BICC1: variants seen among roughly 807,000 people sequenced by gnomAD.
The protein encoded by BICC1 is BicC family RNA binding protein 1.
Under a neutral mutation model 111.0 loss-of-function variants are expected in BICC1, and 43 were observed. The ratio of observed to expected loss-of-function variants is 0.39; its 90% CI spans 0.30 to 0.50. BICC1 has a LOEUF of 0.50. Ranked by LOEUF, BICC1 falls within the 20% of genes least tolerant of loss-of-function variation. The probability of loss-of-function intolerance (pLI) is 0.88; values close to 1 mark genes in which losing one functional copy is unlikely to be tolerated. For synonymous variants in BICC1, 467 were observed against 434.4 expected, an observed-to-expected ratio of 1.07 and a Z score of -0.93; for missense variants, 1,091 against 1,203.2, an observed-to-expected ratio of 0.91 and a Z score of 1.38.
At chr10:58,672,271 A>G (rs941816352) in intron 2 of BICC1, among the ~76,000 whole-genome samples, 2 of 152,074 alleles carry the variant, frequency 1.3e-5, no homozygotes, top group African/African-American at 4.8e-5. Context: ...GTCCCTAGCA[A>G]CCACCATTCT....
intron 1 of BICC1, among the ~76,000 whole-genome samples, chr10:58,580,122 T>TCAAGTGATTCTCCTGCCTC (rs1223630307): frequency 6.6e-6 from 1 of 152,076 alleles, no homozygotes; most frequent in African/African-American, 2.4e-5. Flanking sequence ...CCTCCTGGCT[T>TCAAGTGATTCTCCTGCCTC]CAAGTGATTC....
At chr10:58,556,325 A>G (rs919837221) in intron 1 of BICC1, among the ~76,000 whole-genome samples, 27 of 152,130 alleles carry the variant, frequency 1.8e-4, no homozygotes, top group African/African-American at 4.8e-4. Context: ...TTGGTCTTGC[A>G]TCGAAGCATT....
chr10:58,747,874 T>G (rs1436268150), intron 3 of BICC1, among the ~76,000 whole-genome samples: 2 of 152,136 alleles, frequency 1.3e-5, no homozygotes, highest in African/African-American at 4.8e-5. Context: ...ATAAAAAGTT[T>G]TATTGGAATA....
chr10:58,773,874 C>G (rs148629884), intron 3 of BICC1, among the ~76,000 whole-genome samples: 3 of 152,158 alleles, frequency 2.0e-5, no homozygotes, highest in African/African-American at 7.2e-5. Context: ...GAGAATAATA[C>G]CCAAATATTG....
At chr10:58,619,898 A>C (rs1845745262) in intron 1 of BICC1, among the ~76,000 whole-genome samples, 1 of 152,182 alleles carries the variant, frequency 6.6e-6, no homozygotes, top group African/African-American at 2.4e-5. Flanking sequence ...TTCTGCACAC[A>C]AACATGGCTG....
In BICC1 at chr10:58,798,850, G is replaced by T. The variant is rs1258568806; in HGVS notation, c.1529-206G>T. On this transcript the variant is annotated intron_variant, in intron 11 of 20. Coordinates refer to ENST00000373886, the MANE Select transcript of BICC1 (RefSeq NM_001080512.3). ...TCATTTACATCTGTACAATGAGAGG[G>T]TTGGATTAAATATTCTCTATGATAT... 2.0e-5 allele frequency among the ~76,000 whole-genome samples: 3 copies of T among 152,098 alleles called. No individual in the cohort carries two copies. In the East Asian group the frequency reaches 5.8e-4, roughly 29 times the overall value.
At chr10:58,690,271 CATG>C (rs1438314066) in intron 2 of BICC1, among the ~76,000 whole-genome samples, 1 of 151,342 alleles carries the variant, frequency 6.6e-6, no homozygotes, top group Non-Finnish European at 1.5e-5. Context: ...GCATGTGTCT[CATG>C]ATGGACAATG....
rs539591379 is a variant in BICC1 at position 58,696,312 on chromosome 10, A to G, written c.238-5762A>G. On this transcript the variant is annotated intron_variant, in intron 2 of 20. Coordinates refer to ENST00000373886, the MANE Select transcript of BICC1 (RefSeq NM_001080512.3). Reference sequence around the variant, plus strand: ...TATCTTCATCAGATTTTTCATGATGAAAAAAAAACTTTTGCAGATGAAATA... The same window carrying G: ...TATCTTCATCAGATTTTTCATGATGGAAAAAAAACTTTTGCAGATGAAATA... Among the ~76,000 whole-genome samples the G allele has an allele frequency of 2.0e-4, 30 of 151,516 alleles. No individual in the cohort carries two copies. In the South Asian group the frequency reaches 5.9e-3, roughly 30 times the overall value.
intron 2 of BICC1, among the ~76,000 whole-genome samples, chr10:58,693,744 G>A (rs990172368): frequency 3.3e-5 from 5 of 152,140 alleles, no homozygotes; most frequent in Admixed American, 1.3e-4. Context: ...TGAGTTCACT[G>A]TAGATTCTAG....
At position 58,807,259 on chromosome 10, in the gene BICC1, G is replaced by T; in HGVS notation, c.2376+101G>T. On this transcript the variant is annotated intron_variant, in intron 17 of 20. Coordinates refer to ENST00000373886, the MANE Select transcript of BICC1 (RefSeq NM_001080512.3). ...ATTCTTTATGTACCTAAGGGAAAAT[G>T]ATTAGTGGTGACTTGTTTTTATTTC... is the stretch of plus-strand genomic sequence containing the variant. The T allele has an allele frequency of 3.7e-6, 4 of 1,094,864 alleles. 1 individual carries two copies. The South Asian group carries it at 7.8e-5, about 21-fold the overall frequency. The allele number at this position is 1,094,864 out of a possible 1,614,324, so 67.8% of individuals were successfully genotyped here.
At chr10:58,814,618 TAA>T (rs35500718) in intron 18 of BICC1, among the ~76,000 whole-genome samples, 1,316 of 114,720 alleles carry the variant, frequency 0.011, 18 homozygotes, top group African/African-American at 0.038. Context: ...TCATCTCTAC[TAA>T]AAAAAAAAAA....
intron 1 of BICC1, among the ~76,000 whole-genome samples, chr10:58,555,471 T>C (rs540850264): frequency 1.3e-5 from 2 of 152,096 alleles, no homozygotes; most frequent in South Asian, 4.2e-4. Flanking sequence ...TAGGCAAAAT[T>C]TCTTTTCTGA....
intron 2 of BICC1, among the ~76,000 whole-genome samples, chr10:58,651,621 T>G (rs1041368994): frequency 3.3e-5 from 5 of 152,198 alleles, no homozygotes; most frequent in Admixed American, 3.3e-4. Context: ...ATTCTCTCAG[T>G]TCTTTATTTT....
chr10:58,716,956 A>G (rs1840764482), intron 3 of BICC1, among the ~76,000 whole-genome samples: 1 of 149,216 alleles, frequency 6.7e-6, no homozygotes, highest in Non-Finnish European at 1.5e-5. Flanking sequence ...TGCTGCTTTG[A>G]GTGAACCAGA....
chr10:58,783,725 G>A (rs546661598), intron 3 of BICC1, among the ~76,000 whole-genome samples: 1 of 152,250 alleles, frequency 6.6e-6, no homozygotes, highest in Admixed American at 6.5e-5. Context: ...TTTCTTAGAA[G>A]TCAGTACATT....
chr10:58,807,264 G>A (rs1843738267), intron 17 of BICC1, 106 bp downstream of exon 17: 3 of 1,038,402 alleles, frequency 2.9e-6, no homozygotes, highest in Non-Finnish European at 2.7e-6. Flanking sequence ...AAAATGATTA[G>A]TGGTGACTTG....
intron 15 of BICC1, 141 bp downstream of exon 15, chr10:58,803,383 G>A: frequency 3.1e-6 from 2 of 648,886 alleles, no homozygotes; most frequent in Non-Finnish European, 4.7e-6. Context: ...AAATATATAT[G>A]TAGCAGTTAG....
At chr10:58,813,739 C>T (rs1843988750) in intron 17 of BICC1, 91 bp from the exon 18 acceptor site, 9 of 1,319,874 alleles carry the variant, frequency 6.8e-6, no homozygotes, top group East Asian at 2.3e-5. Flanking sequence ...GAGAAGTAAA[C>T]GGCAGTGGTG....
chr10:58,753,262 A>T (rs1057377956), intron 3 of BICC1, among the ~76,000 whole-genome samples: 2 of 152,136 alleles, frequency 1.3e-5, no homozygotes, highest in Non-Finnish European at 2.9e-5. Flanking sequence ...CCAATTTACC[A>T]GGCTTAAGCG....
Sources: gnomAD v4.1 joint callset for allele counts (sites outside exome capture counted in the v4.1 genomes callset) on GRCh38, gnomAD v4.1.1 for gene constraint, MANE v1.5 for transcripts, NCBI Gene and HGNC (gene_info 2026-07-23, HGNC 2026-07-21) for gene names.